PTGFRN: variants seen among roughly 807,000 people sequenced by gnomAD.
PTGFRN encodes prostaglandin F2 receptor negative regulator.
Under a neutral mutation model 83.2 loss-of-function variants are expected in PTGFRN, and 35 were observed. The ratio of observed to expected loss-of-function variants is 0.42; its 90% CI spans 0.32 to 0.56. The LOEUF is 0.56. Ranked by LOEUF, PTGFRN falls within the 20% of genes least tolerant of loss-of-function variation. PTGFRN has a pLI of 0.11. For synonymous variants in PTGFRN, 519 were observed against 498.6 expected (o/e 1.04, Z -0.55); for missense variants, 1,051 against 1,179.5 (o/e 0.89, Z 1.60).
intron 4 of PTGFRN, among the ~76,000 whole-genome samples, chr1:116,960,087 G>T (rs966344296): frequency 6.6e-5 from 10 of 152,216 alleles, no homozygotes; most frequent in African/African-American, 1.7e-4. Flanking sequence ...GGAGCTTGAG[G>T]ATGAGACTAT....
chr1:116,939,248 T>G (rs905154423), intron 1 of PTGFRN, among the ~76,000 whole-genome samples: 1 of 152,204 alleles, frequency 6.6e-6, no homozygotes, highest in African/African-American at 2.4e-5. Context: ...ACATTTCCTT[T>G]TCCTCACTGC....
chr1:116,929,493 A>C (rs1649740286), intron 1 of PTGFRN, among the ~76,000 whole-genome samples: 1 of 152,170 alleles, frequency 6.6e-6, no homozygotes, highest in Admixed American at 6.5e-5. Context: ...ATTCATTGTG[A>C]TCAGTCACAG....
At chr1:116,981,258 A>T (rs1211546613) in intron 7 of PTGFRN, among the ~76,000 whole-genome samples, 7 of 152,142 alleles carry the variant, frequency 4.6e-5, no homozygotes, top group South Asian at 2.1e-4. Flanking sequence ...TAAAGAACTC[A>T]TGAAGACCCT....
intron 1 of PTGFRN, among the ~76,000 whole-genome samples, chr1:116,921,273 A>G (rs2806861): frequency 0.17 from 25,588 of 152,170 alleles, 4,467 homozygotes; most frequent in African/African-American, 0.44. Flanking sequence ...TGTACTGAGA[A>G]GCGAATATTA....
At chr1:116,970,669 A>G (rs927488450) in intron 6 of PTGFRN, among the ~76,000 whole-genome samples, 3 of 152,228 alleles carry the variant, frequency 2.0e-5, no homozygotes, top group East Asian at 3.8e-4. Context: ...CAGAGTTGTC[A>G]TGGCCAGTTC....
chr1:116,911,075 A>G (rs552689501), intron 1 of PTGFRN, among the ~76,000 whole-genome samples: 18 of 133,494 alleles, frequency 1.3e-4, no homozygotes, highest in African/African-American at 4.9e-4. Context: ...TTTTCCATTC[A>G]CTCCATACAC....
At chr1:116,915,162 A>G (rs969141582) in intron 1 of PTGFRN, among the ~76,000 whole-genome samples, 4 of 152,224 alleles carry the variant, frequency 2.6e-5, no homozygotes, top group African/African-American at 7.2e-5. Flanking sequence ...TATGCTGCGT[A>G]TTGCTTGAGA....
At chr1:116,982,627 G>A (rs1035003179) in intron 7 of PTGFRN, among the ~76,000 whole-genome samples, 3 of 152,000 alleles carry the variant, frequency 2.0e-5, no homozygotes, top group South Asian at 2.1e-4. Flanking sequence ...AGGGAGGGAG[G>A]GACTTGAGAT....
At chr1:116,951,993 G>A (rs1650366403) in intron 4 of PTGFRN, among the ~76,000 whole-genome samples, 1 of 152,212 alleles carries the variant, frequency 6.6e-6, no homozygotes, top group Non-Finnish European at 1.5e-5. Flanking sequence ...CTTAGGTCAT[G>A]TAACTCTGGA....
intron 4 of PTGFRN, among the ~76,000 whole-genome samples, chr1:116,954,880 G>A (rs1460345328): frequency 1.3e-5 from 2 of 152,324 alleles, no homozygotes; most frequent in Admixed American, 6.5e-5. Flanking sequence ...AAAATGCAAG[G>A]AAAGTATATA....
rs542965677 is a variant in PTGFRN, at chr1:116,950,641, C to T, written c.1213+1069C>T. 9.2e-5 allele frequency among the ~76,000 whole-genome samples: 14 copies of T among 152,212 alleles called. No homozygotes were observed. The South Asian group carries it at 2.1e-3, about 23-fold the overall frequency. ...CTTGGGTTAGTGGCATATTCGCTCT[C>T]CTTTTTTTTTTCCTCCCCAGTAAGC... is the stretch of plus-strand genomic sequence containing the variant. On this transcript the variant is annotated intron_variant, in intron 4 of 8. Transcript: ENST00000393203.
intron 7 of PTGFRN, among the ~76,000 whole-genome samples, chr1:116,975,477 T>G (rs1215596837): frequency 2.0e-5 from 3 of 152,096 alleles, no homozygotes; most frequent in Admixed American, 6.5e-5. Flanking sequence ...AACCCCCCAG[T>G]AGGGGCAGAC....
intron 8 of PTGFRN, among the ~76,000 whole-genome samples, chr1:116,986,550 G>C (rs1353467235): frequency 6.6e-6 from 1 of 152,178 alleles, no homozygotes; most frequent in Admixed American, 6.5e-5. Context: ...ACATTCAAAG[G>C]CATCGAGTGA....
At chr1:116,972,800 C>T (rs1024372400) in intron 6 of PTGFRN, among the ~76,000 whole-genome samples, 1 of 152,146 alleles carries the variant, frequency 6.6e-6, no homozygotes, top group Non-Finnish European at 1.5e-5. Flanking sequence ...ATTAGCTAAG[C>T]TGAAAGCTAT....
rs775480414 is a variant in PTGFRN, at chr1:116,941,941, C to T, written c.276C>T (p.Ile92=). 11 of 1,614,064 alleles carry T rather than the reference C, an allele frequency of 6.8e-6. No homozygotes were observed. The Admixed American group carries it at 1.8e-4, about 27-fold the overall frequency. ...AGGAGCGGCTGCAGAGGGGCGAGAT[C>T]CTGTTAAGGCGGACTGCCAACGACG... is the stretch of plus-strand genomic sequence containing the variant. ...LYQERLQRGE[I]LLRRTANDAV... Residue 92 remains isoleucine, a synonymous_variant, in exon 2 of 9, where the codon ATC becomes ATT. Coordinates refer to ENST00000393203, the MANE Select transcript of PTGFRN (RefSeq NM_020440.4). This position sits in a 1 kb window ranked among gnomAD's most constrained non-coding sequence, Gnocchi z 5.0.
intron 1 of PTGFRN, among the ~76,000 whole-genome samples, chr1:116,928,406 T>C (rs1482725177): frequency 6.6e-6 from 1 of 152,234 alleles, no homozygotes; most frequent in Admixed American, 6.5e-5. Context: ...ATTCTCACTT[T>C]ACTTGGCTCT....
In PTGFRN at chr1:116,936,695, G is replaced by A. The variant is rs1255084820; in HGVS notation, c.50-5020G>A. On this transcript the variant is annotated intron_variant, in intron 1 of 8. Coordinates refer to ENST00000393203, the MANE Select transcript of PTGFRN (RefSeq NM_020440.4). The stretch of plus-strand genomic sequence containing the variant: ...AAGTGAAGAGATGTTTGTTTTGTGG[G>A]ATAGAAGCATCAGAGAGTGGGAGAA... Among the ~76,000 whole-genome samples, 5 of 152,206 alleles carry A rather than the reference G, an allele frequency of 3.3e-5. No individual in the cohort carries two copies. In the South Asian group the frequency reaches 1.0e-3, roughly 32 times the overall value.
rs139036423 is a variant in PTGFRN, at chr1:116,974,220, T to C, written c.2064T>C (p.Pro688=). Residue 688 remains proline, a synonymous_variant, in exon 7 of 9, where the codon CCT becomes CCC. Coordinates refer to ENST00000393203, the MANE Select transcript of PTGFRN (RefSeq NM_020440.4). The part of the protein sequence containing the change: ...PIEIDFQTSG[P]IFNASVHSDT... Reference sequence around the variant, plus strand: ...CTGGCATTACTTTTTTTCCAGGTCCTATATTTAATGCTTCTGTGCATTCAG... The same window carrying C: ...CTGGCATTACTTTTTTTCCAGGTCCCATATTTAATGCTTCTGTGCATTCAG... The C allele has an allele frequency of 1.2e-6, 2 of 1,600,896 alleles. No individual in the cohort carries two copies. The highest frequency in any genetic ancestry group is 1.7e-6 in the Non-Finnish European group (2 of 1,168,888).
chr1:116,915,841 G>A (rs1649392138), intron 1 of PTGFRN, among the ~76,000 whole-genome samples: 1 of 152,196 alleles, frequency 6.6e-6, no homozygotes, highest in South Asian at 2.1e-4. Flanking sequence ...TAAAGGCAGG[G>A]TTGCAAGGGT....
Sources: gnomAD v4.1 joint callset for allele counts (sites outside exome capture counted in the v4.1 genomes callset) on GRCh38, gnomAD v4.1.1 for gene constraint, Gnocchi (gnomAD v3.1) non-coding constraint, MANE v1.5 for transcripts, NCBI Gene and HGNC (gene_info 2026-07-23, HGNC 2026-07-21) for gene names.